Variants in C16orf96 observed in about 807,000 individuals in gnomAD.
The protein encoded by C16orf96 is chromosome 16 open reading frame 96.
C16orf96 carries 108 observed loss-of-function variants against 103.6 expected under a neutral mutation model. The ratio of observed to expected loss-of-function variants is 1.04; its 90% CI spans 0.89 to 1.22. The LOEUF (loss-of-function observed/expected upper bound fraction) is 1.22. C16orf96 is among the 50% of genes most tolerant of loss of function. The pLI, the probability that C16orf96 is intolerant of heterozygous loss-of-function variation, is 0.00. For synonymous variants in C16orf96, 566 were observed against 593.5 expected (o/e 0.95, Z 0.67); for missense variants, 1,586 against 1,464.2 (o/e 1.08, Z -1.36).
chr16:4,544,378 G>C, the C16orf96 span, among the ~76,000 whole-genome samples: 1 of 152,164 alleles, frequency 6.6e-6, no homozygotes, highest in East Asian at 1.9e-4. Context: ...GGCCAAGGCA[G>C]GCAGTTCACT....
chr16:4,579,262 G>T (rs2931242), intron 6 of C16orf96, among the ~76,000 whole-genome samples: 19 of 151,996 alleles, frequency 1.3e-4, no homozygotes, highest in South Asian at 6.2e-4. Flanking sequence ...GCTGTTCAGA[G>T]GGCAGGTGAA....
At position 4,588,342 on chromosome 16, in the gene C16orf96, C is replaced by G; in HGVS notation, c.2592+11C>G. ...GACGTGAACACCAAGGTGAATGCCC[C>G]CATGTTGATTTTCACTTTATTCCTA... is the stretch of plus-strand genomic sequence containing the variant. On this transcript the variant is annotated intron_variant, in intron 9 of 15. Coordinates refer to ENST00000444310, the MANE Select transcript of C16orf96 (RefSeq NM_001145011.2). 1 of 1,540,370 alleles carries G rather than the reference C, an allele frequency of 6.5e-7. No homozygotes were observed. The highest frequency in any genetic ancestry group is 8.8e-7 in the Non-Finnish European group (1 of 1,138,136).
chr16:4,594,337 C>G lies in C16orf96; in HGVS notation c.2868-14C>G. ...GGGTCTCCAGGTCGCTGCTGACCCACTGCCCTGCTGCAGGGAACAGCAGTG... is the reference window on the plus strand; with the variant it reads ...GGGTCTCCAGGTCGCTGCTGACCCAGTGCCCTGCTGCAGGGAACAGCAGTG... On this transcript the variant is annotated splice_polypyrimidine_tract_variant and intron_variant, in intron 12 of 15. Coordinates refer to ENST00000444310, the MANE Select transcript of C16orf96 (RefSeq NM_001145011.2). 1 of 1,549,724 alleles carries G rather than the reference C, an allele frequency of 6.5e-7. No individual in the cohort carries two copies. Among genetic ancestry groups the G allele is most frequent in the South Asian group, 1.2e-5 (1 of 84,032 alleles).
intron 2 of C16orf96, among the ~76,000 whole-genome samples, chr16:4,573,606 G>C (rs1275759206): frequency 6.6e-6 from 1 of 151,096 alleles, no homozygotes; most frequent in Non-Finnish European, 1.5e-5. Flanking sequence ...CAAAAAATTA[G>C]CTGGATGTGG....
the C16orf96 span, among the ~76,000 whole-genome samples, chr16:4,544,255 G>C: frequency 6.6e-6 from 1 of 152,180 alleles, no homozygotes; most frequent in Admixed American, 6.5e-5. Flanking sequence ...GAAATGTAGT[G>C]AGCTGGAACT....
At position 4,581,183 on chromosome 16, in the gene C16orf96, T is replaced by TATATATATATATAA. The variant is rs541449983; in HGVS notation, c.2352+1059_2352+1060insTATATATATATAAA. On this transcript the variant is annotated intron_variant, in intron 7 of 15. Transcript: ENST00000444310. ...ATATATATATATATATATATATATA[T>TATATATATATATAA]AATTAGCCAGGCGTAGTGGCACACA... 4.2e-5 allele frequency among the ~76,000 whole-genome samples: 5 copies of TATATATATATATAA among 118,324 alleles called. 1 individual carries two copies. Among genetic ancestry groups the TATATATATATATAA allele is most frequent in the Non-Finnish European group, 8.7e-5 (5 of 57,440 alleles). The allele number at this position is 118,324 out of a possible 152,430, so 77.6% of individuals were successfully genotyped here.
chr16:4,574,642 C>T (rs558447200), intron 2 of C16orf96, 67 bp from the exon 3 acceptor site: 4 of 1,305,840 alleles, frequency 3.1e-6, no homozygotes, highest in East Asian at 2.5e-5. Context: ...TCACCTAGAG[C>T]CACGGGAAAA....
At chr16:4,569,497 A>T (rs1596520227) in intron 1 of C16orf96, among the ~76,000 whole-genome samples, 2 of 151,926 alleles carry the variant, frequency 1.3e-5, no homozygotes, top group East Asian at 3.9e-4. Flanking sequence ...TCATGCCTGT[A>T]ATCCCAGCAC....
chr16:4,568,983 C>T (rs2059409777), intron 1 of C16orf96, among the ~76,000 whole-genome samples: 1 of 151,912 alleles, frequency 6.6e-6, no homozygotes, highest in African/African-American at 2.4e-5. Flanking sequence ...CTTACTCCAT[C>T]TTGTGTGACT....
At chr16:4,550,073 C>T in the C16orf96 span, among the ~76,000 whole-genome samples, 1 of 146,676 alleles carries the variant, frequency 6.8e-6, no homozygotes, top group East Asian at 2.1e-4. Context: ...CTGGTTAGAG[C>T]ACACAGTGGG....
At chr16:4,549,965 TTTTC>T in the C16orf96 span, among the ~76,000 whole-genome samples, 3 of 152,120 alleles carry the variant, frequency 2.0e-5, no homozygotes, top group African/African-American at 7.2e-5. Context: ...CCAAAACCTC[TTTTC>T]TTTATCAATT....
At chr16:4,565,369 C>G (rs1426066786) in intron 1 of C16orf96, among the ~76,000 whole-genome samples, 1 of 152,208 alleles carries the variant, frequency 6.6e-6, no homozygotes, top group Non-Finnish European at 1.5e-5. Context: ...CCCTTCTTCC[C>G]CAGGACAGGA....
intron 2 of C16orf96, 63 bp from the exon 3 acceptor site, chr16:4,574,646 G>A (rs1416284117): frequency 4.0e-5 from 55 of 1,359,912 alleles, no homozygotes; most frequent in East Asian, 2.5e-4. Flanking sequence ...CTAGAGCCAC[G>A]GGAAAAGGCA....
rs147856301 is a variant in C16orf96, at chr16:4,569,682, A to G, written c.421-1879A>G. ...GGGAGGTGAAGGTTGCCTAGGTGAC[A>G]GAGTGAGACTCTGTCTCAAAAAAAA... On this transcript the variant is annotated intron_variant, in intron 1 of 15. Transcript: ENST00000444310. 6.2e-3 allele frequency among the ~76,000 whole-genome samples: 903 copies of G among 145,282 alleles called. 6 individuals are homozygous for G. The highest frequency in any genetic ancestry group is 7.7e-3 in the Admixed American group (107 of 13,948).
At position 4,573,175 on chromosome 16, in the gene C16orf96, C is replaced by T. The variant is rs142729624; in HGVS notation, c.525+1510C>T. Among the ~76,000 whole-genome samples the T allele has an allele frequency of 5.2e-3, 791 of 152,174 alleles. 8 individuals are homozygous for T. Among genetic ancestry groups the T allele is most frequent in the African/African-American group, 0.018 (763 of 41,536 alleles). ...CTTCTCGGCGGGGCCTGGTGTCTCA[C>T]GCCTGTAATCCCAGCACTTTGGGAA... On this transcript the variant is annotated intron_variant, in intron 2 of 15. Transcript: ENST00000444310.
chr16:4,572,101 G>A (rs112122437), intron 2 of C16orf96, among the ~76,000 whole-genome samples: 5,556 of 151,484 alleles, frequency 0.037, 350 homozygotes, highest in African/African-American at 0.13. Context: ...ACCCACCTCA[G>A]CCTCCCAAAG....
intron 14 of C16orf96, among the ~76,000 whole-genome samples, chr16:4,598,856 G>A (rs1444943492): frequency 6.6e-6 from 1 of 152,088 alleles, no homozygotes; most frequent in Non-Finnish European, 1.5e-5. Context: ...AATGGTTCAC[G>A]CCTGTAATTT....
At chr16:4,539,470 G>A in the C16orf96 span, among the ~76,000 whole-genome samples, 3 of 152,156 alleles carry the variant, frequency 2.0e-5, no homozygotes, top group Non-Finnish European at 4.4e-5. Flanking sequence ...GATCACTTGA[G>A]GTCAGGAGTT....
intron 1 of C16orf96, among the ~76,000 whole-genome samples, chr16:4,569,254 C>A (rs2059412058): frequency 2.0e-5 from 3 of 152,142 alleles, no homozygotes; most frequent in Admixed American, 1.3e-4. Context: ...AGGTGTGAGC[C>A]ACCATGCTGG....
Sources: gnomAD v4.1 joint callset for allele counts (sites outside exome capture counted in the v4.1 genomes callset) on GRCh38, gnomAD v4.1.1 for gene constraint, MANE v1.5 for transcripts, NCBI Gene and HGNC (gene_info 2026-07-23, HGNC 2026-07-21) for gene names.